The following PCDHGA4 variants were observed in gnomAD, a reference collection of about 807,000 sequenced individuals.
PCDHGA4 encodes the protein protocadherin gamma-A4.
PCDHGA4 carries 38 observed loss-of-function variants against 54.6 expected under a neutral mutation model. The observed-to-expected ratio is 0.70, with a 90% CI of 0.54 to 0.91. The LOEUF is 0.91. PCDHGA4 is among the 40% of genes least tolerant of loss of function. The pLI is 0.00. For synonymous variants in PCDHGA4, 511 were observed against 512.9 expected, an observed-to-expected ratio of 1.00 and a Z score of 0.05; for missense variants, 1,298 against 1,220.9, an observed-to-expected ratio of 1.06 and a Z score of -0.94.
At chr5:141,360,610 G>T (rs1761672138) in intron 1 of PCDHGA4, 1 of 1,614,000 alleles carries the variant, frequency 6.2e-7, no homozygotes, top group Non-Finnish European at 8.5e-7. Flanking sequence ...CCCAGCCCTG[G>T]ATTCAGATGT....
chr5:141,462,682 G>T (rs560423384), intron 1 of PCDHGA4, among the ~76,000 whole-genome samples: 2 of 151,790 alleles, frequency 1.3e-5, no homozygotes, highest in Non-Finnish European at 2.9e-5. Context: ...TTAAATTTTT[G>T]AGCACATTTA....
At chr5:141,502,951 C>G (rs1444086718) in intron 2 of PCDHGA4, among the ~76,000 whole-genome samples, 1 of 147,768 alleles carries the variant, frequency 6.8e-6, no homozygotes, top group African/African-American at 2.6e-5. Context: ...TCAAGCGATT[C>G]TCCTGCCTCA....
intron 1 of PCDHGA4, among the ~76,000 whole-genome samples, chr5:141,462,264 G>A (rs966953621): frequency 1.3e-5 from 2 of 152,174 alleles, no homozygotes; most frequent in African/African-American, 4.8e-5. Context: ...CCAGCCTAAA[G>A]TGTATTGTTT....
chr5:141,364,720 CCCG>C, intron 1 of PCDHGA4: 3 of 1,613,946 alleles, frequency 1.9e-6, no homozygotes, highest in Non-Finnish European at 2.5e-6. Context: ...ATGATAACTT[CCCG>C]CGTTTCCGGG....
chr5:141,367,545 T>TAAAA (rs1466224811), intron 1 of PCDHGA4: 1 of 145,462 alleles, frequency 6.9e-6, no homozygotes, highest in African/African-American at 2.5e-5. Flanking sequence ...TCAAAATAAA[T>TAAAA]AAATAAATAA....
intron 1 of PCDHGA4, chr5:141,413,290 A>T: frequency 6.2e-7 from 1 of 1,613,924 alleles, no homozygotes; most frequent in Non-Finnish European, 8.5e-7. Context: ...CTCCTACTCA[A>T]TTCCTGAGGA....
chr5:141,478,121 G>T lies in PCDHGA4; in HGVS notation c.2515-16686G>T. On this transcript the variant is annotated intron_variant, in intron 1 of 3. Coordinates refer to ENST00000571252, the MANE Select transcript of PCDHGA4 (RefSeq NM_018917.4). ...TACCCTCACTGTGTCAGTAACCGAG[G>T]ACTCTCCTGAAGCCCGAGCCGAGTT... 2.5e-6 allele frequency: 4 copies of T among 1,614,036 alleles called. No individual in the cohort carries two copies. In the African/African-American group the frequency reaches 4.0e-5, roughly 16 times the overall value.
chr5:141,488,915 G>A (rs942297924), intron 1 of PCDHGA4, among the ~76,000 whole-genome samples: 12 of 152,180 alleles, frequency 7.9e-5, no homozygotes, highest in Non-Finnish European at 2.9e-5. Flanking sequence ...TGTTCCCAAG[G>A]TTTCCAGGAT....
intron 1 of PCDHGA4, chr5:141,385,306 A>T (rs1479708640): frequency 8.7e-6 from 14 of 1,612,618 alleles, no homozygotes; most frequent in Non-Finnish European, 1.2e-5. Context: ...ATGTAAAGAA[A>T]ACCTGCCAAG....
At chr5:141,450,742 C>A (rs2098692216) in intron 1 of PCDHGA4, among the ~76,000 whole-genome samples, 1 of 152,118 alleles carries the variant, frequency 6.6e-6, no homozygotes, top group South Asian at 2.1e-4. Context: ...CCGCCTTGGC[C>A]TCCCAAAGTG....
chr5:141,486,714 C>G lies in PCDHGA4; in HGVS notation c.2515-8093C>G. On this transcript the variant is annotated intron_variant, in intron 1 of 3. Transcript: ENST00000571252. This position sits in a 1 kb window ranked among gnomAD's most constrained non-coding sequence, Gnocchi z 5.0. ...TCTTTCATCTCTCTGAACCCCCAGA[C>G]AGGAGCTGTTCATGCTACTCGATCC... 1.2e-6 allele frequency: 2 copies of G among 1,614,216 alleles called. No individual in the cohort carries two copies. Among genetic ancestry groups the G allele is most frequent in the African/African-American group, 1.3e-5 (1 of 75,062 alleles).
intron 1 of PCDHGA4, chr5:141,405,384 CA>C: frequency 1.9e-6 from 3 of 1,600,664 alleles, no homozygotes; most frequent in Non-Finnish European, 2.6e-6. Context: ...CCGGTGAGTT[CA>C]TTTTTTTTCT....
At chr5:141,439,190 C>CA (rs200519543) in intron 1 of PCDHGA4, among the ~76,000 whole-genome samples, 17,650 of 111,626 alleles carry the variant, frequency 0.16, 1,295 homozygotes, top group African/African-American at 0.25. Context: ...GAGACTCTGA[C>CA]AAAAAAAAAA....
chr5:141,385,246 G>A (rs1285071081), intron 1 of PCDHGA4: 1 of 1,614,084 alleles, frequency 6.2e-7, no homozygotes, highest in Non-Finnish European at 8.5e-7. Context: ...CATCAGCCAG[G>A]AGAGCTGTGA....
intron 1 of PCDHGA4, chr5:141,428,444 T>C (rs2097139811): frequency 5.3e-6 from 2 of 379,264 alleles, no homozygotes; most frequent in Non-Finnish European, 1.0e-5. Context: ...AGACCAGGGG[T>C]TTTTCCCAAC....
chr5:141,357,359 AC>A lies in PCDHGA4; in HGVS notation c.2253del (p.His751GlnfsTer49). ...CTAGCACTCAAGCTGAGACGCTGGCACAAGTCACGCCTGCTTCACGCTGAAG... is the reference window on the plus strand; with the variant it reads ...CTAGCACTCAAGCTGAGACGCTGGCAAAGTCACGCCTGCTTCACGCTGAAG... ...VLLALKLRRW[H>X]KSRLLHAEGS... On this transcript the variant is annotated frameshift_variant, in exon 1 of 4. Transcript: ENST00000571252. LOFTEE classifies it high-confidence loss of function. The A allele has an allele frequency of 1.2e-6, 2 of 1,614,134 alleles. No individual in the cohort carries two copies. The highest frequency in any genetic ancestry group is 1.7e-6 in the Non-Finnish European group (2 of 1,179,968).
chr5:141,438,613 TATATATATATATATATATATATAC>T (rs1240061633), intron 1 of PCDHGA4, among the ~76,000 whole-genome samples: 627 of 36,484 alleles, frequency 0.017, 21 homozygotes, highest in African/African-American at 0.051. Flanking sequence ...TATATATATA[TATATATATATATATATATATATAC>T]ACACACACAC....
chr5:141,490,009 A>T lies in PCDHGA4; in HGVS notation c.2515-4798A>T. Reference sequence around the variant, plus strand: ...TGTGGGAATCCCAGAGAATGCACCCATTGGTACTCTGCTGCTCCGCCTCAA... The same window carrying T: ...TGTGGGAATCCCAGAGAATGCACCCTTTGGTACTCTGCTGCTCCGCCTCAA... On this transcript the variant is annotated intron_variant, in intron 1 of 3. Transcript: ENST00000571252. The surrounding 1 kb of genome is among the most constrained non-coding windows in gnomAD (Gnocchi z 5.4). 5 of 1,614,214 alleles carry T rather than the reference A, an allele frequency of 3.1e-6. No individual in the cohort carries two copies. The highest frequency in any genetic ancestry group is 4.2e-6 in the Non-Finnish European group (5 of 1,180,032).
chr5:141,404,796 G>T, intron 1 of PCDHGA4: 1 of 1,613,970 alleles, frequency 6.2e-7, no homozygotes, highest in Non-Finnish European at 8.5e-7. Flanking sequence ...AGTGAGCCAG[G>T]GCTCTTCTCG....
Sources: allele counts gnomAD v4.1 joint callset (sites outside exome capture counted in the v4.1 genomes callset), GRCh38; gene constraint gnomAD v4.1.1; non-coding constraint Gnocchi (gnomAD v3.1); transcripts MANE v1.5; gene names NCBI Gene and HGNC (gene_info 2026-07-23, HGNC 2026-07-21).